DOCK4: variants seen among roughly 807,000 people sequenced by gnomAD.
DOCK4 encodes dedicator of cytokinesis protein 4.
In DOCK4, 97 loss-of-function variants were observed where a neutral mutation model predicts 268.1. The ratio of observed to expected loss-of-function variants is 0.36; its 90% CI spans 0.31 to 0.43. DOCK4 has a LOEUF of 0.43. Ranked by LOEUF, DOCK4 falls within the 20% of genes least tolerant of loss-of-function variation. DOCK4 has a pLI of 1.00. For synonymous variants in DOCK4, 954 were observed against 887.2 expected (o/e 1.08, Z -1.34); for missense variants, 2,145 against 2,455.7 (o/e 0.87, Z 2.67).
In DOCK4 at chr7:111,958,766, A is replaced by G. The variant is rs149002449; in HGVS notation, c.702-12968T>C. Among the ~76,000 whole-genome samples the G allele has an allele frequency of 5.3e-3, 815 of 152,342 alleles. 7 individuals are homozygous for G. Among genetic ancestry groups the G allele is most frequent in the Non-Finnish European group, 8.4e-3 (570 of 68,034 alleles). On this transcript the variant is annotated intron_variant, in intron 8 of 52. Coordinates refer to ENST00000428084, the MANE Select transcript of DOCK4 (RefSeq NM_001363540.2). ...GTAATTTACAACTTCGAAAACAACT[A>G]GAATTGTATGGCTCTTAAAAAGCTA...
At chr7:112,154,728 A>G (rs1324381465) in intron 1 of DOCK4, among the ~76,000 whole-genome samples, 2 of 152,206 alleles carry the variant, frequency 1.3e-5, no homozygotes, top group African/African-American at 4.8e-5. Context: ...CACTTCATGC[A>G]GCCCATGGCA....
chr7:112,004,248 C>A, intron 1 of DOCK4, 117 bp from the exon 2 acceptor site: 2 of 731,144 alleles, frequency 2.7e-6, no homozygotes, highest in Non-Finnish European at 2.2e-6. Context: ...TAGCTGGAAC[C>A]CTCTGTCATA....
chr7:111,815,031 T>C (rs932908944), intron 27 of DOCK4, among the ~76,000 whole-genome samples: 115 of 152,362 alleles, frequency 7.5e-4, no homozygotes, highest in African/African-American at 2.6e-3. Context: ...TCCTATAGTA[T>C]ACATAAACGC....
chr7:111,851,490 A>G (rs1235419985), intron 23 of DOCK4, among the ~76,000 whole-genome samples: 1 of 152,092 alleles, frequency 6.6e-6, no homozygotes, highest in African/African-American at 2.4e-5. Context: ...ACATAGAAGA[A>G]AATCCTAGTG....
In DOCK4 at chr7:111,847,113, A is replaced by C; in HGVS notation, c.2487T>G (p.Ile829Met). 1 of 1,613,772 alleles carries C rather than the reference A, an allele frequency of 6.2e-7. No homozygotes were observed. Among genetic ancestry groups the C allele is most frequent in the Non-Finnish European group, 8.5e-7 (1 of 1,179,734 alleles). The change falls in exon 24 of 53, where the codon ATT (isoleucine) becomes ATG (methionine). Residue 829 changes from isoleucine (I) to methionine (M), a missense_variant. By Grantham distance (10) the Ile-to-Met change is conservative. This residue lies in a region of DOCK4 where 1,598 missense variants were observed against 1,986.7 expected (regional missense o/e 0.80). Coordinates refer to ENST00000428084, the MANE Select transcript of DOCK4 (RefSeq NM_001363540.2). ...QLYTNPDSRY[I>M]LLPVVLHHLH... ...GGTGATGTAACACGACAGGCAGAAG[A>C]ATGTATCGGGAATCTGAAGAGAGAA...
chr7:112,188,327 T>C (rs1236244800), intron 1 of DOCK4, among the ~76,000 whole-genome samples: 1 of 152,234 alleles, frequency 6.6e-6, no homozygotes, highest in Non-Finnish European at 1.5e-5. Context: ...TTACAATGAA[T>C]TCTATAATTT....
intron 21 of DOCK4, chr7:111,869,354 C>T (rs1806233424): frequency 1.0e-5 from 5 of 491,118 alleles, no homozygotes; most frequent in African/African-American, 3.9e-5. Context: ...CCCAGAGGAA[C>T]AAGGATTCAA....
At chr7:111,837,179 G>A (rs557855205) in intron 25 of DOCK4, among the ~76,000 whole-genome samples, 26 of 151,870 alleles carry the variant, frequency 1.7e-4, no homozygotes, top group African/African-American at 6.0e-4. Flanking sequence ...AGACAAAGAT[G>A]AGAAAAGATT....
At chr7:111,875,251 AT>A (rs1429591521) in intron 17 of DOCK4, among the ~76,000 whole-genome samples, 1 of 152,170 alleles carries the variant, frequency 6.6e-6, no homozygotes, top group Non-Finnish European at 1.5e-5. Context: ...TAATATAATT[AT>A]TTCATAAGTT....
At chr7:111,949,796 C>G (rs1795908322) in intron 8 of DOCK4, among the ~76,000 whole-genome samples, 1 of 152,102 alleles carries the variant, frequency 6.6e-6, no homozygotes, top group Admixed American at 6.6e-5. Flanking sequence ...CAAAAAAAGA[C>G]CTATATTAAC....
At chr7:111,935,061 C>T (rs1273045988) in intron 12 of DOCK4, among the ~76,000 whole-genome samples, 1 of 151,600 alleles carries the variant, frequency 6.6e-6, no homozygotes, top group African/African-American at 2.4e-5. Context: ...ATTCTCCTTT[C>T]TCAACCTCCC....
chr7:112,063,545 C>T (rs1322406247), intron 1 of DOCK4, among the ~76,000 whole-genome samples: 2 of 152,164 alleles, frequency 1.3e-5, no homozygotes, highest in Non-Finnish European at 2.9e-5. Flanking sequence ...GAGTATTGTA[C>T]CACATATCAC....
chr7:111,956,984 A>G (rs1046954583), intron 8 of DOCK4, among the ~76,000 whole-genome samples: 1 of 152,224 alleles, frequency 6.6e-6, no homozygotes, highest in Non-Finnish European at 1.5e-5. Context: ...AAAATGATCT[A>G]AAGCATCATT....
At chr7:112,029,670 T>C (rs1415857278) in intron 1 of DOCK4, among the ~76,000 whole-genome samples, 1 of 152,190 alleles carries the variant, frequency 6.6e-6, no homozygotes, top group Non-Finnish European at 1.5e-5. Context: ...ACATGGAAAT[T>C]CATTAGTTCC....
chr7:111,802,950 CAGAT>C (rs1180539971), intron 30 of DOCK4, among the ~76,000 whole-genome samples: 1 of 152,108 alleles, frequency 6.6e-6, no homozygotes, highest in African/African-American at 2.4e-5. Context: ...GCATCTTTAA[CAGAT>C]AGGACATTTT....
intron 30 of DOCK4, among the ~76,000 whole-genome samples, chr7:111,802,869 AT>A (rs200516643): frequency 1.0e-3 from 158 of 151,910 alleles, no homozygotes; most frequent in Non-Finnish European, 9.1e-4. Context: ...TACCCCAACT[AT>A]TTTTTTTCTA....
At chr7:112,174,036 C>T (rs1364281935) in intron 1 of DOCK4, among the ~76,000 whole-genome samples, 1 of 149,428 alleles carries the variant, frequency 6.7e-6, no homozygotes, top group East Asian at 2.0e-4. Flanking sequence ...CTCCCCACCT[C>T]CCCACCTCTG....
chr7:111,735,221 G>T, intron 50 of DOCK4, 54 bp from the exon 51 acceptor site: 3 of 1,184,392 alleles, frequency 2.5e-6, no homozygotes, highest in Non-Finnish European at 2.3e-6. Flanking sequence ...CCCTTCCAAT[G>T]CTTGAGATCT....
intron 1 of DOCK4, among the ~76,000 whole-genome samples, chr7:112,031,332 C>G (rs1057313166): frequency 1.3e-5 from 2 of 152,194 alleles, no homozygotes; most frequent in Admixed American, 6.5e-5. Context: ...TCACTCCTCA[C>G]CTGGTGAAAG....
Sources: allele counts gnomAD v4.1 joint callset (sites outside exome capture counted in the v4.1 genomes callset), GRCh38; gene constraint gnomAD v4.1.1; regional missense constraint gnomAD v4.1.1; transcripts MANE v1.5; gene names NCBI Gene and HGNC (gene_info 2026-07-23, HGNC 2026-07-21).